EFHC2: variants seen among roughly 807,000 people sequenced by gnomAD.
The protein encoded by EFHC2 is EF-hand domain-containing family member C2.
A neutral mutation model predicts 52.7 loss-of-function variants in EFHC2; 18 were observed. The ratio of observed to expected loss-of-function variants is 0.34; its 90% CI spans 0.24 to 0.51. The LOEUF is 0.51. EFHC2 is among the 20% of genes least tolerant of loss of function. The pLI is 0.97. For synonymous variants in EFHC2, 203 were observed against 204.1 expected (o/e 0.99, Z 0.04); for missense variants, 513 against 562.5 (o/e 0.91, Z 0.89).
At chrX:44,160,781 G>A (rs929118252) in intron 14 of EFHC2, among the ~76,000 whole-genome samples, 1 of 110,847 alleles carries the variant, frequency 9.0e-6, no homozygotes, top group Non-Finnish European at 1.9e-5. Flanking sequence ...AATTAGTCAG[G>A]CATGGTGGCG....
rs143765070 is a variant in EFHC2 at position 44,170,480 on chromosome X, T to C, written c.2042+5812A>G. 5.2e-4 allele frequency among the ~76,000 whole-genome samples: 58 copies of C among 110,489 alleles called. No individual in the cohort carries two copies. In the East Asian group the frequency reaches 0.015, roughly 29 times the overall value. ...CAGTTCAGAGACAAAGGTCTGAATA[T>C]TACAGGAGTGAGAACAAATCAATCA... On this transcript the variant is annotated intron_variant, in intron 13 of 14. Transcript: ENST00000420999.
chrX:44,246,473 G>A (rs1323168887), intron 7 of EFHC2, among the ~76,000 whole-genome samples: 1 of 112,210 alleles, frequency 8.9e-6, no homozygotes, highest in East Asian at 2.8e-4. Context: ...CTGTTTAAAT[G>A]CATAATGCTC....
intron 14 of EFHC2, among the ~76,000 whole-genome samples, chrX:44,150,269 G>A (rs2036559659): frequency 8.9e-6 from 1 of 112,095 alleles, no homozygotes; most frequent in South Asian, 3.7e-4. Context: ...TGGTGATTCA[G>A]TTGCACCTTA....
intron 2 of EFHC2, among the ~76,000 whole-genome samples, chrX:44,305,030 G>C (rs540047693): frequency 9.1e-6 from 1 of 110,398 alleles, no homozygotes; most frequent in Non-Finnish European, 1.9e-5. Context: ...GGGAGGCTGA[G>C]GGGGGTGGAT....
Position 44,312,724 on chromosome X carries a change from A to G in EFHC2, c.75T>C (p.His25=), listed in dbSNP as rs764683319. 4.1e-6 allele frequency: 5 copies of G among 1,205,849 alleles called. No individual in the cohort carries two copies. In the East Asian group the frequency reaches 8.9e-5, roughly 22 times the overall value. The change falls in exon 2 of 15, where the codon CAT becomes CAC. Residue 25 remains histidine, a synonymous_variant. Transcript: ENST00000420999. The stretch of plus-strand genomic sequence containing the variant: ...TCATAACATTGTTGCAAAAGCCCCA[A>G]TGTTGGGATTTGTGAAACTTCTCCT... ...VGKEKFHKSQ[H]WGFCNNVMML...
chrX:44,300,572 G>A (rs1028951898), intron 2 of EFHC2, among the ~76,000 whole-genome samples: 6 of 111,979 alleles, frequency 5.4e-5, no homozygotes, highest in African/African-American at 1.9e-4. Context: ...AGCTGTCCTT[G>A]TTCATTCTGA....
chrX:44,177,810 C>T (rs1322371520), intron 12 of EFHC2, among the ~76,000 whole-genome samples: 1 of 110,783 alleles, frequency 9.0e-6, no homozygotes. Context: ...ACCCTCCTAA[C>T]ATTTTGATTT....
intron 14 of EFHC2, among the ~76,000 whole-genome samples, 178 bp downstream of exon 14, chrX:44,163,744 G>A (rs2147269627): frequency 8.9e-6 from 1 of 112,372 alleles, no homozygotes; most frequent in South Asian, 3.7e-4. Flanking sequence ...CAGAGCAGAT[G>A]TTTGCTCAGC....
intron 11 of EFHC2, among the ~76,000 whole-genome samples, chrX:44,179,664 T>A (rs1308254569): frequency 1.8e-5 from 2 of 112,201 alleles, no homozygotes; most frequent in Non-Finnish European, 3.8e-5. Context: ...TGCTTTTGTA[T>A]TTTTAATGGG....
intron 13 of EFHC2, among the ~76,000 whole-genome samples, chrX:44,166,991 C>A (rs749098438): frequency 1.8e-5 from 2 of 112,100 alleles, no homozygotes; most frequent in Admixed American, 9.4e-5. Flanking sequence ...AGTGCTCTTT[C>A]TAAAACACAG....
intron 1 of EFHC2, among the ~76,000 whole-genome samples, chrX:44,338,005 A>G (rs34359715): frequency 0.42 from 46,221 of 110,272 alleles, 7,096 homozygotes; most frequent in African/African-American, 0.47. Context: ...GGAGTTCTCT[A>G]AGACCTCAAA....
At chrX:44,318,069 T>C (rs772202879) in intron 1 of EFHC2, among the ~76,000 whole-genome samples, 34 of 112,170 alleles carry the variant, frequency 3.0e-4, no homozygotes, top group Non-Finnish European at 3.9e-4. Flanking sequence ...GAAAGAAACT[T>C]ACACATAAAT....
intron 11 of EFHC2, among the ~76,000 whole-genome samples, chrX:44,222,181 T>C (rs2037199071): frequency 9.0e-6 from 1 of 111,273 alleles, no homozygotes; most frequent in Non-Finnish European, 1.9e-5. Context: ...ATCCAAGAAT[T>C]ACCTAGTCTA....
intron 1 of EFHC2, among the ~76,000 whole-genome samples, chrX:44,316,891 G>A (rs759803451): frequency 1.1e-4 from 12 of 111,915 alleles, no homozygotes; most frequent in African/African-American, 2.6e-4. Flanking sequence ...ACTTAAGACC[G>A]TCATTACAAC....
chrX:44,313,018 C>T (rs1461840054), intron 1 of EFHC2, among the ~76,000 whole-genome samples: 1 of 106,454 alleles, frequency 9.4e-6, no homozygotes, highest in Non-Finnish European at 1.9e-5. Flanking sequence ...TAAAAAATGA[C>T]TGTTACTGCA....
At chrX:44,274,878 C>T (rs1030297390) in intron 2 of EFHC2, among the ~76,000 whole-genome samples, 12 of 110,202 alleles carry the variant, frequency 1.1e-4, no homozygotes, top group Admixed American at 2.9e-4. Flanking sequence ...GGTGAGAGAA[C>T]GAGACTCTGT....
At chrX:44,290,609 A>G (rs1311797007) in intron 2 of EFHC2, among the ~76,000 whole-genome samples, 1 of 110,871 alleles carries the variant, frequency 9.0e-6, no homozygotes, top group Non-Finnish European at 1.9e-5. Context: ...TCCCTTCACC[A>G]TCTATCCTAA....
At position 44,313,311 on chromosome X, in the gene EFHC2, GGA is replaced by G. The variant is rs779303548; in HGVS notation, c.43-557_43-556del. Reference sequence around the variant, plus strand: ...TAACTCCCACCTTTTCTGGTGATCTGGAGAGAGAGGAGAAAGCACAGATACAA... The same window carrying G: ...TAACTCCCACCTTTTCTGGTGATCTGGAGAGAGGAGAAAGCACAGATACAA... On this transcript the variant is annotated intron_variant, in intron 1 of 14. Transcript: ENST00000420999. Among the ~76,000 whole-genome samples, 194 of 111,595 alleles carry G rather than the reference GGA, an allele frequency of 1.7e-3. 2 individuals are homozygous for G. Among genetic ancestry groups the G allele is most frequent in the Admixed American group, 4.9e-3 (51 of 10,495 alleles).
At chrX:44,266,887 G>A (rs957107108) in intron 3 of EFHC2, among the ~76,000 whole-genome samples, 6 of 111,090 alleles carry the variant, frequency 5.4e-5, no homozygotes, top group Non-Finnish European at 1.1e-4. Context: ...TTATCTTAGA[G>A]TATTAAAAAA....
Sources: allele counts gnomAD v4.1 joint callset (sites outside exome capture counted in the v4.1 genomes callset), GRCh38; gene constraint gnomAD v4.1.1; transcripts MANE v1.5; gene names NCBI Gene and HGNC (gene_info 2026-07-23, HGNC 2026-07-21).